Variants in EP300 observed in about 807,000 individuals in gnomAD.
The protein encoded by EP300 is EP300 lysine acetyltransferase.
In EP300, 31 loss-of-function variants were observed where a neutral mutation model predicts 264.0. That is an observed-to-expected ratio of 0.12 (90% CI 0.09 to 0.16). The LOEUF (loss-of-function observed/expected upper bound fraction) is 0.16, where lower values mean the gene tolerates loss of function less well. Ranked by LOEUF, EP300 falls within the 10% of genes least tolerant of loss-of-function variation. EP300 has a pLI of 1.00. For missense variants in EP300, 2,766 were observed against 3,052.9 expected (o/e 0.91, Z 2.21); for synonymous variants, 1,340 against 1,045.4 (o/e 1.28, Z -5.44).
intron 20 of EP300, among the ~76,000 whole-genome samples, chr22:41,161,690 C>CT: frequency 6.6e-6 from 1 of 152,144 alleles, no homozygotes; most frequent in East Asian, 1.9e-4. Context: ...CTGGGACTGT[C>CT]TAAGAAGGAA....
In EP300 at chr22:41,160,637, G is replaced by T. The variant is rs778469565; in HGVS notation, c.3591-5G>T. On this transcript the variant is annotated splice_polypyrimidine_tract_variant and splice_region_variant and intron_variant, in intron 19 of 30. Transcript: ENST00000263253. ...TTCACCCCAGTATGGCCTTCTTGCCGACAGGTATCATTTCTGTGAGAAGTG... is the reference window on the plus strand; with the variant it reads ...TTCACCCCAGTATGGCCTTCTTGCCTACAGGTATCATTTCTGTGAGAAGTG... The T allele has an allele frequency of 6.2e-7, 1 of 1,613,802 alleles. No homozygotes were observed. The highest frequency in any genetic ancestry group is 8.5e-7 in the Non-Finnish European group (1 of 1,179,834).
At chr22:41,115,180 A>G (rs1160388758) in intron 1 of EP300, among the ~76,000 whole-genome samples, 18 of 152,240 alleles carry the variant, frequency 1.2e-4, no homozygotes, top group Non-Finnish European at 7.3e-5. Flanking sequence ...TAGTAGGTTA[A>G]TACTGTCAAT....
chr22:41,151,746 G>A (rs1334299321), intron 14 of EP300, 87 bp from the exon 15 acceptor site: 2 of 1,364,534 alleles, frequency 1.5e-6, no homozygotes, highest in Non-Finnish European at 2.1e-6. Context: ...GGCTAATTCT[G>A]CTATCCTGTT....
At position 41,176,468 on chromosome 22, in the gene EP300, C is replaced by A. The variant is rs1382320388; in HGVS notation, c.5001C>A (p.Val1667=). 6.2e-7 allele frequency: 1 copy of A among 1,614,106 alleles called. No homozygotes were observed. The highest frequency in any genetic ancestry group is 1.3e-5 in the African/African-American group (1 of 74,938). The change falls in exon 30 of 31, where the codon GTC becomes GTA. Residue 1667 remains valine (V), a synonymous_variant. Transcript: ENST00000263253. ...ELHTQSQDRF[V]YTCNECKHHV... ...ACACGCAGAGCCAGGACCGCTTTGT[C>A]TACACCTGCAATGAATGCAAGCACC...
Position 41,151,707 on chromosome 22 carries a change from C to T in EP300, c.2818-126C>T, listed in dbSNP as rs1569108274. On this transcript the variant is annotated intron_variant, in intron 14 of 30. Coordinates refer to ENST00000263253, the MANE Select transcript of EP300 (RefSeq NM_001429.4). The stretch of plus-strand genomic sequence containing the variant: ...AAATGGGCAGAGCAAATGAAAGCAC[C>T]ATGAATAAATATAAGCCAAGAAATA... 3.2e-6 allele frequency: 3 copies of T among 950,730 alleles called. No individual in the cohort carries two copies. The Admixed American group carries it at 5.6e-5, about 18-fold the overall frequency. 58.9% of individuals were successfully genotyped at this position (950,730 alleles called of 1,614,324 possible). A position where few individuals can be genotyped will look rare whatever the true frequency, so the allele number is the denominator to read the frequency against.
At chr22:41,148,307 C>T (rs549572437) in intron 12 of EP300, among the ~76,000 whole-genome samples, 2 of 152,172 alleles carry the variant, frequency 1.3e-5, no homozygotes, top group African/African-American at 2.4e-5. Context: ...TATGCGAACT[C>T]TTAACCAGTC....
At chr22:41,155,735 C>G (rs1330933350) in intron 17 of EP300, among the ~76,000 whole-genome samples, 1 of 152,160 alleles carries the variant, frequency 6.6e-6, no homozygotes, top group Non-Finnish European at 1.5e-5. Context: ...GTATGTGATT[C>G]TTTGTGCCAG....
intron 5 of EP300, 117 bp from the exon 6 acceptor site, chr22:41,131,271 T>TA (rs892778275): frequency 1.6e-5 from 18 of 1,148,934 alleles, no homozygotes; most frequent in Middle Eastern, 2.8e-4. Flanking sequence ...AAGATCCACA[T>TA]ACTCAGATGT....
At chr22:41,175,703 G>A (rs2059196534) in intron 29 of EP300, among the ~76,000 whole-genome samples, 1 of 152,208 alleles carries the variant, frequency 6.6e-6, no homozygotes, top group South Asian at 2.1e-4. Flanking sequence ...ACCATGGATT[G>A]CATCTTAAAG....
chr22:41,097,974 G>C (rs900674374), intron 1 of EP300, among the ~76,000 whole-genome samples: 44 of 151,722 alleles, frequency 2.9e-4, no homozygotes, highest in African/African-American at 1.0e-3. Flanking sequence ...GATTACAGGC[G>C]TGAGCCACCG....
chr22:41,166,610 A>G lies in EP300; in HGVS notation c.3818A>G (p.Asp1273Gly), dbSNP rs2145759316. Residue 1273 changes from aspartate (D) to glycine (G), a missense_variant, in exon 23 of 31, where the codon GAT becomes GGT. Physicochemically the swap from Asp to Gly is moderately conservative, Grantham distance 94 (BLOSUM62 -1). Coordinates refer to ENST00000263253, the MANE Select transcript of EP300 (RefSeq NM_001429.4). ...TGGTTTACATTTAGATTCGTCTGTG[A>G]TGGCTGTTTAAAGAAAAGTGCACGA... ...EIIWPAGFVC[D>G]GCLKKSARTR... 6.2e-7 allele frequency: 1 copy of G among 1,613,110 alleles called. No homozygotes were observed. Among genetic ancestry groups the G allele is most frequent in the Non-Finnish European group, 8.5e-7 (1 of 1,179,418 alleles).
At position 41,146,735 on chromosome 22, in the gene EP300, C is replaced by T. The variant is rs2059012636; in HGVS notation, c.2054-4C>T. ...AAGATACTTATTTCTCTTTTTTACT[C>T]TAGATGGCCCTCTACCTGACCCAAG... is the stretch of plus-strand genomic sequence containing the variant. On this transcript the variant is annotated splice_polypyrimidine_tract_variant and splice_region_variant and intron_variant, in intron 10 of 30. Coordinates refer to ENST00000263253, the MANE Select transcript of EP300 (RefSeq NM_001429.4). 6.2e-7 allele frequency: 1 copy of T among 1,614,006 alleles called. No individual in the cohort carries two copies. The highest frequency in any genetic ancestry group is 8.5e-7 in the Non-Finnish European group (1 of 1,179,870).
intron 13 of EP300, 51 bp from the exon 14 acceptor site, chr22:41,149,710 T>C (rs1278097858): frequency 1.3e-6 from 2 of 1,573,186 alleles, no homozygotes; most frequent in East Asian, 2.2e-5. Flanking sequence ...TGTAAGTATT[T>C]CCTTAATTCT....
intron 1 of EP300, among the ~76,000 whole-genome samples, chr22:41,110,120 C>CCT (rs1555904635): frequency 8.4e-6 from 1 of 119,036 alleles, no homozygotes; most frequent in African/African-American, 2.9e-5. Flanking sequence ...GTTCCCTGCC[C>CCT]CCCCCCCCTT....
At chr22:41,108,607 A>T (rs2058771508) in intron 1 of EP300, among the ~76,000 whole-genome samples, 1 of 152,018 alleles carries the variant, frequency 6.6e-6, no homozygotes, top group African/African-American at 2.4e-5. Context: ...CTTCACCATG[A>T]TTGGACTCAG....
At chr22:41,167,578 G>GTA (rs2059142725) in intron 23 of EP300, among the ~76,000 whole-genome samples, 4 of 27,682 alleles carry the variant, frequency 1.4e-4, no homozygotes, top group African/African-American at 6.1e-4. Flanking sequence ...GTGTGTGTGT[G>GTA]TGTGTGTATA....
intron 1 of EP300, among the ~76,000 whole-genome samples, chr22:41,104,791 A>G (rs1269175576): frequency 6.6e-6 from 1 of 151,402 alleles, no homozygotes; most frequent in Non-Finnish European, 1.5e-5. Flanking sequence ...AGGCTGAGGC[A>G]GGTGGATTAC....
At chr22:41,141,252 A>T (rs2145726629) in intron 10 of EP300, 30 bp downstream of exon 10, 1 of 1,598,270 alleles carries the variant, frequency 6.3e-7, no homozygotes, top group Non-Finnish European at 8.6e-7. Context: ...TTTCTGTTTG[A>T]GAGAAATTGA....
rs2145720696 is a variant in EP300 at position 41,135,883 on chromosome 22, G to A, written c.1599G>A (p.Leu533=). Residue 533 remains leucine (L), a synonymous_variant, in exon 7 of 31, where the codon TTG becomes TTA. Coordinates refer to ENST00000263253, the MANE Select transcript of EP300 (RefSeq NM_001429.4). The part of the protein sequence containing the change: ...QTPSLLSDSM[L]HSAINSQNPM... ...CGAGTCTTCTTTCTGACTCAATGTT[G>A]CATTCAGCCATAAATTCTCAAAAGT... 2 of 1,613,930 alleles carry A rather than the reference G, an allele frequency of 1.2e-6. No homozygotes were observed. Among genetic ancestry groups the A allele is most frequent in the Middle Eastern group, 1.6e-4 (1 of 6,062 alleles).
Sources: gnomAD v4.1 joint callset for allele counts (sites outside exome capture counted in the v4.1 genomes callset) on GRCh38, gnomAD v4.1.1 for gene constraint, MANE v1.5 for transcripts, NCBI Gene and HGNC (gene_info 2026-07-23, HGNC 2026-07-21) for gene names.